Variants in DYNC1I1 observed in about 807,000 individuals in gnomAD.
DYNC1I1 encodes the protein dynein cytoplasmic 1 intermediate chain 1.
In DYNC1I1, 43 loss-of-function variants were observed where a neutral mutation model predicts 86.6. The ratio of observed to expected loss-of-function variants is 0.50; its 90% CI spans 0.39 to 0.64. DYNC1I1 has a LOEUF of 0.64. DYNC1I1 is among the 30% of genes least tolerant of loss of function. The pLI is 0.00. For synonymous variants in DYNC1I1, 262 were observed against 283.7 expected (o/e 0.92, Z 0.77); for missense variants, 604 against 788.8 (o/e 0.77, Z 2.81).
chr7:96,042,001 C>T (rs1443780323), intron 14 of DYNC1I1, among the ~76,000 whole-genome samples: 2 of 152,010 alleles, frequency 1.3e-5, no homozygotes, highest in Non-Finnish European at 2.9e-5. Context: ...CAAAATCTTA[C>T]ATGAAAGAAT....
intron 6 of DYNC1I1, among the ~76,000 whole-genome samples, chr7:95,949,826 C>A (rs1792504472): frequency 6.6e-6 from 1 of 152,142 alleles, no homozygotes; most frequent in Non-Finnish European, 1.5e-5. Flanking sequence ...TCCATCATAA[C>A]CAAAGTGGAC....
chr7:96,103,802 CG>C (rs1390577452), intron 16 of DYNC1I1, among the ~76,000 whole-genome samples: 1 of 152,022 alleles, frequency 6.6e-6, no homozygotes, highest in East Asian at 1.9e-4. Flanking sequence ...TTAGTAGAGA[CG>C]GGGTTTTACC....
At chr7:96,025,640 G>A (rs780248776) in intron 10 of DYNC1I1, among the ~76,000 whole-genome samples, 1 of 152,134 alleles carries the variant, frequency 6.6e-6, no homozygotes, top group Non-Finnish European at 1.5e-5. Flanking sequence ...AAATGGTTTA[G>A]TAGTCCTTTG....
intron 9 of DYNC1I1, among the ~76,000 whole-genome samples, chr7:95,988,444 G>T (rs1793650719): frequency 6.6e-6 from 1 of 152,204 alleles, no homozygotes; most frequent in South Asian, 2.1e-4. Context: ...AAGCCCATCA[G>T]TGTGGCATTC....
At chr7:96,016,093 G>A (rs1207048922) in intron 10 of DYNC1I1, among the ~76,000 whole-genome samples, 2 of 152,056 alleles carry the variant, frequency 1.3e-5, no homozygotes, top group African/African-American at 2.4e-5. Flanking sequence ...TTTGTTGGGC[G>A]TAGGTCTTCA....
intron 9 of DYNC1I1, among the ~76,000 whole-genome samples, chr7:95,995,401 A>G (rs1439532967): frequency 6.6e-6 from 1 of 152,212 alleles, no homozygotes; most frequent in Non-Finnish European, 1.5e-5. Context: ...TCTATGTGTT[A>G]CAATTGATGG....
At chr7:95,786,630 G>A (rs1437652722) in intron 1 of DYNC1I1, among the ~76,000 whole-genome samples, 2 of 152,118 alleles carry the variant, frequency 1.3e-5, no homozygotes, top group Non-Finnish European at 2.9e-5. Context: ...CAACTACTTA[G>A]GCTTCCTGAC....
At chr7:96,036,672 G>A (rs1485055531) in intron 13 of DYNC1I1, among the ~76,000 whole-genome samples, 3 of 152,146 alleles carry the variant, frequency 2.0e-5, no homozygotes, top group South Asian at 2.1e-4. Context: ...GATATATAAT[G>A]TAATCCATCC....
In DYNC1I1 at chr7:95,915,522, T is replaced by C. The variant is rs113480797; in HGVS notation, c.490+45524T>C. 6.0e-3 allele frequency among the ~76,000 whole-genome samples: 909 copies of C among 152,358 alleles called. 9 individuals are homozygous for C. Among genetic ancestry groups the C allele is most frequent in the African/African-American group, 0.021 (878 of 41,578 alleles). Reference sequence around the variant, plus strand: ...TTATTGAATACCAAGAAGAGTTATGTCCTGATGGAGTGGGGTCAGATTAAA... The same window carrying C: ...TTATTGAATACCAAGAAGAGTTATGCCCTGATGGAGTGGGGTCAGATTAAA... On this transcript the variant is annotated intron_variant, in intron 6 of 16. Transcript: ENST00000447467.
At chr7:96,026,172 G>A (rs764983146) in intron 10 of DYNC1I1, among the ~76,000 whole-genome samples, 20 of 152,122 alleles carry the variant, frequency 1.3e-4, no homozygotes, top group Non-Finnish European at 2.5e-4. Context: ...ATGAAAACCA[G>A]ATTGGGGCAT....
intron 6 of DYNC1I1, among the ~76,000 whole-genome samples, chr7:95,940,702 A>G (rs1792186692): frequency 6.6e-6 from 1 of 152,170 alleles, no homozygotes; most frequent in African/African-American, 2.4e-5. Context: ...ACATTCGTCT[A>G]AATCTTTTTC....
intron 1 of DYNC1I1, among the ~76,000 whole-genome samples, chr7:95,781,471 G>T (rs1793992079): frequency 6.6e-6 from 1 of 152,138 alleles, no homozygotes; most frequent in African/African-American, 2.4e-5. Flanking sequence ...AGAAAAGTTG[G>T]TTACAAAACT....
At chr7:96,008,008 T>C (rs1794183597) in intron 10 of DYNC1I1, among the ~76,000 whole-genome samples, 1 of 152,200 alleles carries the variant, frequency 6.6e-6, no homozygotes, top group African/African-American at 2.4e-5. Flanking sequence ...CTCCAGCCAC[T>C]GTATTTATTA....
chr7:95,815,297 A>G (rs1040297325), intron 4 of DYNC1I1, among the ~76,000 whole-genome samples: 1 of 152,308 alleles, frequency 6.6e-6, no homozygotes, highest in Non-Finnish European at 1.5e-5. Context: ...TACCCAACAC[A>G]ATAGTAACTT....
chr7:95,964,040 G>A (rs898964699), intron 6 of DYNC1I1, among the ~76,000 whole-genome samples: 2 of 152,148 alleles, frequency 1.3e-5, no homozygotes, highest in Admixed American at 1.3e-4. Context: ...AAAACTTGAC[G>A]TTGAAACCAG....
At chr7:95,806,075 A>G (rs1794694513) in intron 2 of DYNC1I1, among the ~76,000 whole-genome samples, 2 of 152,170 alleles carry the variant, frequency 1.3e-5, no homozygotes, top group South Asian at 2.1e-4. Context: ...TTGCTGTTAC[A>G]TACTCAGTCT....
chr7:96,039,868 G>A (rs1788982401), intron 14 of DYNC1I1, among the ~76,000 whole-genome samples: 1 of 151,958 alleles, frequency 6.6e-6, no homozygotes, highest in Non-Finnish European at 1.5e-5. Flanking sequence ...TTGGTTCGTT[G>A]ATTGGTTGTT....
At chr7:95,931,801 C>G (rs1030495268) in intron 6 of DYNC1I1, among the ~76,000 whole-genome samples, 1 of 152,146 alleles carries the variant, frequency 6.6e-6, no homozygotes, top group African/African-American at 2.4e-5. Context: ...TTTTGTTGAT[C>G]TCTGTTCTAG....
At chr7:96,025,331 A>T (rs1794651431) in intron 10 of DYNC1I1, among the ~76,000 whole-genome samples, 1 of 146,632 alleles carries the variant, frequency 6.8e-6, no homozygotes, top group Non-Finnish European at 1.5e-5. Flanking sequence ...TGTAATACAT[A>T]TATGTCATGT....
Sources: gnomAD v4.1 joint callset for allele counts (sites outside exome capture counted in the v4.1 genomes callset) on GRCh38, gnomAD v4.1.1 for gene constraint, MANE v1.5 for transcripts, NCBI Gene and HGNC (gene_info 2026-07-23, HGNC 2026-07-21) for gene names.